B3GAT2: variants seen among roughly 807,000 people sequenced by gnomAD.
The protein encoded by B3GAT2 is beta-1,3-glucuronyltransferase 2.
In B3GAT2, 26 loss-of-function variants were observed where a neutral mutation model predicts 27.8. The observed-to-expected ratio is 0.93, with a 90% CI of 0.68 to 1.30. The LOEUF is 1.30. Among genes scored for constraint, B3GAT2 ranks in the 50% most tolerant of loss-of-function variants. The pLI, the probability that B3GAT2 is intolerant of heterozygous loss-of-function variation, is 0.00. For missense variants in B3GAT2, 458 were observed against 459.0 expected, an observed-to-expected ratio of 1.00 and a Z score of 0.02; for synonymous variants, 218 against 195.1, an observed-to-expected ratio of 1.12 and a Z score of -0.98.
In B3GAT2 at chr6:70,899,488, A is replaced by G. The variant is rs117899625; in HGVS notation, c.592-5216T>C. On this transcript the variant is annotated intron_variant, in intron 1 of 3. Coordinates refer to ENST00000230053, the MANE Select transcript of B3GAT2 (RefSeq NM_080742.3). ...TATTTTTCTAGAGGCTGGGTGTTAA[A>G]GGTGAGGCAATGATTATTTAAATGC... Among the ~76,000 whole-genome samples the G allele has an allele frequency of 1.0e-3, 154 of 152,350 alleles. 2 individuals are homozygous for G. In the East Asian group the frequency reaches 0.024, roughly 23 times the overall value.
chr6:70,906,103 G>A (rs1043657373), intron 1 of B3GAT2, among the ~76,000 whole-genome samples: 2 of 152,142 alleles, frequency 1.3e-5, no homozygotes, highest in Non-Finnish European at 2.9e-5. Flanking sequence ...ATGATAATGT[G>A]AGGAAATTTA....
chr6:70,895,481 G>C (rs1772364786), intron 1 of B3GAT2, among the ~76,000 whole-genome samples: 1 of 129,466 alleles, frequency 7.7e-6, no homozygotes, highest in Non-Finnish European at 1.7e-5. Context: ...ATCCTACCTT[G>C]TTCCAAAAAG....
chr6:70,912,167 T>C (rs2150038913), intron 1 of B3GAT2, among the ~76,000 whole-genome samples: 1 of 152,236 alleles, frequency 6.6e-6, no homozygotes, highest in African/African-American at 2.4e-5. Flanking sequence ...CAGTAGTATA[T>C]TGAATATGAG....
intron 1 of B3GAT2, among the ~76,000 whole-genome samples, chr6:70,897,320 C>A (rs1772404754): frequency 6.6e-6 from 1 of 151,962 alleles, no homozygotes; most frequent in African/African-American, 2.4e-5. Flanking sequence ...TATTTTCTCC[C>A]ACTCCGTGGC....
In B3GAT2 at chr6:70,954,923, G is replaced by C. The variant is rs527992534; in HGVS notation, c.591+916C>G. Among the ~76,000 whole-genome samples the C allele has an allele frequency of 4.6e-3, 694 of 151,334 alleles. 21 individuals are homozygous for C. The highest frequency in any genetic ancestry group is 0.016 in the African/African-American group (654 of 41,348). On this transcript the variant is annotated intron_variant, in intron 1 of 3. Coordinates refer to ENST00000230053, the MANE Select transcript of B3GAT2 (RefSeq NM_080742.3). ...GTGCCTGCCGGGGGCGGCGGGGGGG[G>C]GCGGTGCGCGCGTGGCCATCCCAGG...
In B3GAT2 at chr6:70,860,404, G is replaced by A; in HGVS notation, c.*1259C>T. 16 of 1,525,654 alleles carry A rather than the reference G, an allele frequency of 1.0e-5. No individual in the cohort carries two copies. The highest frequency in any genetic ancestry group is 1.4e-5 in the Non-Finnish European group (16 of 1,136,410). The allele number at this position is 1,525,654 out of a possible 1,614,324, so 94.5% of individuals were successfully genotyped here. A position where few individuals can be genotyped will look rare whatever the true frequency, so the allele number is the denominator to read the frequency against. On this transcript the variant is annotated 3_prime_UTR_variant, in exon 4 of 4. Coordinates refer to ENST00000230053, the MANE Select transcript of B3GAT2 (RefSeq NM_080742.3). ...TTGCTGAAACGCATCTAGTTCCCCT[G>A]TTTATTCATATGCATATTTTTTTTC...
intron 1 of B3GAT2, among the ~76,000 whole-genome samples, chr6:70,930,230 A>C (rs1773037802): frequency 6.6e-6 from 1 of 152,260 alleles, no homozygotes; most frequent in Non-Finnish European, 1.5e-5. Flanking sequence ...ACCTAAAACC[A>C]TAAGAACCCT....
Position 70,955,901 on chromosome 6 carries a change from G to A in B3GAT2, c.529C>T (p.Gln177Ter), listed in dbSNP as rs1457935459. 1.2e-6 allele frequency: 2 copies of A among 1,603,968 alleles called. No individual in the cohort carries two copies. Among genetic ancestry groups the A allele is most frequent in the Non-Finnish European group, 1.7e-6 (2 of 1,176,316 alleles). Reference sequence around the variant, plus strand: ...TCAGCGAAGAAGAGCACGCCGGGCTGCGCGCGCTGGTGCTGGTGCCTCTGG... The same window carrying A: ...TCAGCGAAGAAGAGCACGCCGGGCTACGCGCGCTGGTGCTGGTGCCTCTGG... The part of the protein sequence containing the change: ...LRQRHQHQRA[Q>*]PGVLFFADDD... The change falls in exon 1 of 4, where the codon CAG (glutamine) becomes TAG (stop). Residue 177 changes from glutamine (Q) to a stop codon, truncating the protein, a stop_gained. Coordinates refer to ENST00000230053, the MANE Select transcript of B3GAT2 (RefSeq NM_080742.3). LOFTEE classifies it high-confidence loss of function.
chr6:70,863,274 A>G (rs1157982943), intron 2 of B3GAT2, among the ~76,000 whole-genome samples: 1 of 152,254 alleles, frequency 6.6e-6, no homozygotes, highest in African/African-American at 2.4e-5. Flanking sequence ...AAATGATACC[A>G]GGTGGTAATG....
chr6:70,912,407 T>C (rs1261632651), intron 1 of B3GAT2, among the ~76,000 whole-genome samples: 1 of 152,214 alleles, frequency 6.6e-6, no homozygotes, highest in Non-Finnish European at 1.5e-5. Flanking sequence ...TCTTTTTAGT[T>C]CTGTTCATGT....
chr6:70,924,922 T>C (rs1336016690), intron 1 of B3GAT2, among the ~76,000 whole-genome samples: 1 of 152,214 alleles, frequency 6.6e-6, no homozygotes, highest in Non-Finnish European at 1.5e-5. Flanking sequence ...CCTCAATTAC[T>C]CCTGCAGGTA....
rs775050972 is a variant in B3GAT2 at position 70,894,258 on chromosome 6, G to C, written c.606C>G (p.Arg202=). 6.3e-7 allele frequency: 1 copy of C among 1,591,604 alleles called. No homozygotes were observed. The highest frequency in any genetic ancestry group is 8.5e-7 in the Non-Finnish European group (1 of 1,170,458). The part of the protein sequence containing the change: ...LELFQEMRTT[R]KVSVWPVGLV... ...GGCCCACAGGCCAGACGGAGACCTT[G>C]CGGGTGGTTCGCATCTATAAAAAGG... Residue 202 remains arginine, a synonymous_variant, in exon 2 of 4, where the codon CGC becomes CGG. Coordinates refer to ENST00000230053, the MANE Select transcript of B3GAT2 (RefSeq NM_080742.3).
intron 1 of B3GAT2, among the ~76,000 whole-genome samples, chr6:70,920,780 G>T (rs553854039): frequency 6.6e-5 from 10 of 152,256 alleles, no homozygotes; most frequent in African/African-American, 2.4e-4. Context: ...ACAGTCTTTT[G>T]TTTCCATATT....
chr6:70,929,074 G>A (rs1290410036), intron 1 of B3GAT2, among the ~76,000 whole-genome samples: 4 of 152,062 alleles, frequency 2.6e-5, no homozygotes, highest in Non-Finnish European at 5.9e-5. Context: ...CATGGATGAA[G>A]CTGGAAACCA....
chr6:70,893,528 G>A (rs1042980145), intron 2 of B3GAT2, among the ~76,000 whole-genome samples: 2 of 151,768 alleles, frequency 1.3e-5, no homozygotes, highest in Admixed American at 6.6e-5. Context: ...ATTTTAGAAC[G>A]TGTGGTCCTA....
Position 70,861,332 on chromosome 6 carries a change from A to G in B3GAT2, c.*331T>C, listed in dbSNP as rs1156617614. 4 of 232,222 alleles carry G rather than the reference A, an allele frequency of 1.7e-5. No homozygotes were observed. Among genetic ancestry groups the G allele is most frequent in the Non-Finnish European group, 3.4e-5 (4 of 117,092 alleles). The allele number at this position is 232,222 out of a possible 1,614,324, so 14.4% of individuals were successfully genotyped here. A position where few individuals can be genotyped will look rare whatever the true frequency, so the allele number is the denominator to read the frequency against. ...TCTACCAACCTGTTCAAGTCTACCA[A>G]TTATAAGGGCAAATTGGAGAAAAAG... On this transcript the variant is annotated 3_prime_UTR_variant, in exon 4 of 4. Transcript: ENST00000230053.
rs1771461812 is a variant in B3GAT2, at chr6:70,857,166, A to G, written c.*4497T>C. The stretch of plus-strand genomic sequence containing the variant: ...TGTTGTTGCAGTTTATACAACTATG[A>G]AGCCGAAATGAATGAGCATTAGAAT... On this transcript the variant is annotated 3_prime_UTR_variant, in exon 4 of 4. Transcript: ENST00000230053. 1 of 814,736 alleles carries G rather than the reference A, an allele frequency of 1.2e-6. No individual in the cohort carries two copies. The highest frequency in any genetic ancestry group is 1.7e-5 in the African/African-American group (1 of 57,526). The allele number at this position is 814,736 out of a possible 1,614,324, so 50.5% of individuals were successfully genotyped here.
intron 1 of B3GAT2, among the ~76,000 whole-genome samples, chr6:70,899,624 C>A (rs947367802): frequency 4.6e-5 from 7 of 152,150 alleles, no homozygotes; most frequent in African/African-American, 9.7e-5. Flanking sequence ...CTATGCCCTG[C>A]TGAAATTCCA....
intron 2 of B3GAT2, among the ~76,000 whole-genome samples, chr6:70,873,932 A>G (rs1771975905): frequency 6.6e-6 from 1 of 152,016 alleles, no homozygotes; most frequent in Non-Finnish European, 1.5e-5. Context: ...ATTGATCTCT[A>G]TTTGTGAGAC....
Sources: allele counts gnomAD v4.1 joint callset (sites outside exome capture counted in the v4.1 genomes callset), GRCh38; gene constraint gnomAD v4.1.1; transcripts MANE v1.5; gene names NCBI Gene and HGNC (gene_info 2026-07-23, HGNC 2026-07-21).